Variants in ENTREP2 observed in about 807,000 individuals in gnomAD.
The protein encoded by ENTREP2 is protein ENTREP2.
the ENTREP2 span, among the ~76,000 whole-genome samples, chr15:29,283,990 T>C: frequency 2.6e-5 from 4 of 152,146 alleles, no homozygotes; most frequent in Admixed American, 1.3e-4. Flanking sequence ...GATAAAAAGT[T>C]AATGAACTAA....
At chr15:29,488,514 T>C in the ENTREP2 span, among the ~76,000 whole-genome samples, 59,373 of 152,050 alleles carry the variant, frequency 0.39, 13,199 homozygotes, top group African/African-American at 0.62. Flanking sequence ...GAGAAATAAT[T>C]GCCAAAACTT....
the ENTREP2 span, among the ~76,000 whole-genome samples, chr15:29,201,319 G>GA: frequency 1.3e-5 from 2 of 151,884 alleles, no homozygotes; most frequent in East Asian, 1.9e-4. Flanking sequence ...GTTCTATATT[G>GA]AAAAAAATGG....
At chr15:29,289,850 A>T in the ENTREP2 span, among the ~76,000 whole-genome samples, 5 of 152,078 alleles carry the variant, frequency 3.3e-5, no homozygotes, top group African/African-American at 9.7e-5. Context: ...CATCTCAAAA[A>T]ATATATATAT....
At chr15:29,387,827 C>T in the ENTREP2 span, among the ~76,000 whole-genome samples, 1 of 152,154 alleles carries the variant, frequency 6.6e-6, no homozygotes, top group Non-Finnish European at 1.5e-5. Context: ...ACATCTACAA[C>T]CATCTGATCT....
the ENTREP2 span, among the ~76,000 whole-genome samples, chr15:29,669,488 A>G: frequency 1.3e-5 from 2 of 152,216 alleles, no homozygotes; most frequent in Non-Finnish European, 2.9e-5. Context: ...TGGACTTCCC[A>G]GCCTCCAGAA....
the ENTREP2 span, among the ~76,000 whole-genome samples, chr15:29,463,639 A>T: frequency 6.6e-6 from 1 of 152,162 alleles, no homozygotes; most frequent in Non-Finnish European, 1.5e-5. Context: ...TCTGAGAACA[A>T]GATAAGGTGA....
At chr15:29,222,947 T>C in the ENTREP2 span, among the ~76,000 whole-genome samples, 126 of 152,354 alleles carry the variant, frequency 8.3e-4, no homozygotes, top group Non-Finnish European at 1.5e-3. Flanking sequence ...CTTTCAGAGC[T>C]ATACAGGAGA....
the ENTREP2 span, among the ~76,000 whole-genome samples, chr15:29,302,671 T>G: frequency 1.3e-5 from 2 of 152,242 alleles, no homozygotes; most frequent in East Asian, 3.9e-4. Context: ...TTAAACTCAT[T>G]TCATAGAAAA....
chr15:29,617,571 G>T, the ENTREP2 span, among the ~76,000 whole-genome samples: 7 of 152,264 alleles, frequency 4.6e-5, no homozygotes, highest in East Asian at 1.4e-3. Context: ...CTTCAGCTGC[G>T]ATATTAAGAA....
chr15:29,381,673 G>T, the ENTREP2 span: 1 of 951,456 alleles, frequency 1.1e-6, no homozygotes, highest in Non-Finnish European at 1.6e-6. Flanking sequence ...CCCGCTGCCT[G>T]AAAAGAAGTT....
At chr15:29,217,898 G>A in the ENTREP2 span, among the ~76,000 whole-genome samples, 1 of 152,144 alleles carries the variant, frequency 6.6e-6, no homozygotes, top group South Asian at 2.1e-4. Flanking sequence ...AAGGTCTAGG[G>A]CTGAAGGCTG....
chr15:29,544,140 A>C, the ENTREP2 span, among the ~76,000 whole-genome samples: 1 of 152,232 alleles, frequency 6.6e-6, no homozygotes, highest in Non-Finnish European at 1.5e-5. Flanking sequence ...AAGGCATTTA[A>C]TAATTTTACA....
chr15:29,495,605 A>T, the ENTREP2 span, among the ~76,000 whole-genome samples: 1 of 151,524 alleles, frequency 6.6e-6, no homozygotes, highest in African/African-American at 2.4e-5. Flanking sequence ...TTCCTTTCAT[A>T]TTTTTTCTTT....
At chr15:29,397,271 G>A in the ENTREP2 span, among the ~76,000 whole-genome samples, 4 of 152,084 alleles carry the variant, frequency 2.6e-5, no homozygotes, top group Non-Finnish European at 5.9e-5. Context: ...TGTGCCTGTA[G>A]TCCCAGCTAC....
At chr15:29,488,464 G>C in the ENTREP2 span, among the ~76,000 whole-genome samples, 1 of 152,192 alleles carries the variant, frequency 6.6e-6, no homozygotes, top group African/African-American at 2.4e-5. Context: ...AGGAATCCCA[G>C]AAGGAGAGGT....
At chr15:29,622,333 G>A in the ENTREP2 span, among the ~76,000 whole-genome samples, 1 of 152,004 alleles carries the variant, frequency 6.6e-6, no homozygotes, top group Admixed American at 6.6e-5. Context: ...AGCCTCCCAA[G>A]TAGCTGGGAT....
the ENTREP2 span, among the ~76,000 whole-genome samples, chr15:29,429,249 T>G: frequency 6.6e-6 from 1 of 151,956 alleles, no homozygotes; most frequent in Non-Finnish European, 1.5e-5. Context: ...TGAGATGGGG[T>G]GTTGCTCTGT....
chr15:29,675,184 C>G, the ENTREP2 span: 1 of 152,996 alleles, frequency 6.5e-6, no homozygotes, highest in African/African-American at 2.4e-5. Flanking sequence ...CCTCCCCTGC[C>G]TCCTGGCCGC....
chr15:29,570,429 C>T, the ENTREP2 span: 1 of 1,022,336 alleles, frequency 9.8e-7, no homozygotes, highest in Non-Finnish European at 1.2e-6. Flanking sequence ...CGGTGGCGTC[C>T]CGGCGGCCGC....
Sources: gnomAD v4.1 joint callset for allele counts (sites outside exome capture counted in the v4.1 genomes callset) on GRCh38, gnomAD v4.1.1 for gene constraint, MANE v1.5 for transcripts, NCBI Gene and HGNC (gene_info 2026-07-23, HGNC 2026-07-21) for gene names.